The following FANCC variants were observed in gnomAD, a reference collection of about 807,000 sequenced individuals.
FANCC encodes the protein Fanconi anemia group C protein.
FANCC carries 55 observed loss-of-function variants against 71.3 expected under a neutral mutation model. That is an observed-to-expected ratio of 0.77 (90% CI 0.62 to 0.97). The LOEUF is 0.97. FANCC is among the 50% of genes least tolerant of loss of function. The pLI is 0.00. For missense variants in FANCC, 678 were observed against 670.9 expected (o/e 1.01, Z -0.12); for synonymous variants, 275 against 244.9 (o/e 1.12, Z -1.15).
rs571336609 is a variant in FANCC, at chr9:95,134,477, T to C, written c.843+869A>G. Among the ~76,000 whole-genome samples the C allele has an allele frequency of 2.6e-5, 4 of 152,146 alleles. No individual in the cohort carries two copies. In the East Asian group the frequency reaches 5.8e-4, roughly 22 times the overall value. Reference sequence around the variant, plus strand: ...ACTGTGGCTCTTGGAACTCACTTTCTCCACTTGCAGGAAGCAGGAAGAAGT... The same window carrying C: ...ACTGTGGCTCTTGGAACTCACTTTCCCCACTTGCAGGAAGCAGGAAGAAGT... On this transcript the variant is annotated intron_variant, in intron 8 of 14. Coordinates refer to ENST00000289081, the MANE Select transcript of FANCC (RefSeq NM_000136.3).
intron 4 of FANCC, among the ~76,000 whole-genome samples, chr9:95,210,327 A>T (rs950459019): frequency 2.1e-4 from 32 of 152,264 alleles, no homozygotes; most frequent in South Asian, 1.0e-3. Context: ...GATATGTGTT[A>T]TTTATTATTT....
intron 4 of FANCC, among the ~76,000 whole-genome samples, chr9:95,226,808 T>C (rs1005360361): frequency 1.3e-5 from 2 of 152,182 alleles, no homozygotes; most frequent in Non-Finnish European, 2.9e-5. Flanking sequence ...ATGTTGTGAT[T>C]TGACAACCAT....
At chr9:95,293,070 AT>A in intron 1 of FANCC, 1 of 1,606,994 alleles carries the variant, frequency 6.2e-7, no homozygotes, top group South Asian at 1.1e-5. Flanking sequence ...CCACTGAATC[AT>A]TTAACAACCA....
intron 1 of FANCC, among the ~76,000 whole-genome samples, chr9:95,300,800 G>T (rs147788455): frequency 3.4e-4 from 52 of 152,186 alleles, no homozygotes; most frequent in African/African-American, 1.1e-3. Context: ...AGAATGAGAG[G>T]ACCACCATCA....
intron 6 of FANCC, among the ~76,000 whole-genome samples, chr9:95,160,643 A>C (rs2135512527): frequency 6.6e-6 from 1 of 152,226 alleles, no homozygotes; most frequent in South Asian, 2.1e-4. Flanking sequence ...GATGATATTG[A>C]TTCTTCCTAT....
intron 4 of FANCC, among the ~76,000 whole-genome samples, chr9:95,203,508 T>C (rs1262768994): frequency 6.6e-6 from 1 of 152,120 alleles, no homozygotes; most frequent in African/African-American, 2.4e-5. Context: ...AATGGAAGTT[T>C]GATTTTAGAA....
chr9:95,214,317 A>T (rs1828712008), intron 4 of FANCC, among the ~76,000 whole-genome samples: 4 of 152,172 alleles, frequency 2.6e-5, no homozygotes, highest in Admixed American at 2.6e-4. Context: ...CTGTAGTCCC[A>T]GCTACTGAAG....
Position 95,135,370 on chromosome 9 carries a change from T to C in FANCC, c.819A>G (p.Glu273=). The C allele has an allele frequency of 6.2e-7, 1 of 1,614,150 alleles. No individual in the cohort carries two copies. The highest frequency in any genetic ancestry group is 1.3e-5 in the African/African-American group (1 of 75,058). Residue 273 remains glutamate (E), a synonymous_variant, in exon 8 of 15, where the codon GAA becomes GAG. Transcript: ENST00000289081. ...SSERNCLRRI[E]CFIKDSSLPQ... ...CCAGCGATGAATCTTTTATAAAGCA[T>C]TCGATCCTTCTCAGACAATTTCTCT...
At chr9:95,260,901 C>A (rs1188849210) in intron 1 of FANCC, among the ~76,000 whole-genome samples, 2 of 152,116 alleles carry the variant, frequency 1.3e-5, no homozygotes, top group Non-Finnish European at 2.9e-5. Context: ...ATTAAAACCA[C>A]CCACCAGGAT....
intron 14 of FANCC, among the ~76,000 whole-genome samples, chr9:95,105,435 A>G (rs931292011): frequency 1.3e-5 from 2 of 152,234 alleles, no homozygotes; most frequent in African/African-American, 4.8e-5. Flanking sequence ...TGTCAACAAA[A>G]GTACAAATAA....
At chr9:95,293,116 G>T in intron 1 of FANCC, 1 of 1,613,182 alleles carries the variant, frequency 6.2e-7, no homozygotes, top group African/African-American at 1.3e-5. Flanking sequence ...AGAACTAGAA[G>T]CTTCAGAAAT....
At chr9:95,279,882 A>C (rs1050046546) in intron 1 of FANCC, among the ~76,000 whole-genome samples, 1 of 141,484 alleles carries the variant, frequency 7.1e-6, no homozygotes, top group Non-Finnish European at 1.5e-5. Context: ...TGAGAGGCGG[A>C]GGCTGCAGTG....
intron 1 of FANCC, among the ~76,000 whole-genome samples, chr9:95,287,803 A>G (rs554541381): frequency 1.3e-5 from 2 of 152,340 alleles, no homozygotes; most frequent in South Asian, 4.1e-4. Context: ...AAAGGCAGGC[A>G]TGTTCTAGAC....
At chr9:95,246,757 T>A (rs1831006289) in intron 3 of FANCC, among the ~76,000 whole-genome samples, 1 of 152,150 alleles carries the variant, frequency 6.6e-6, no homozygotes, top group South Asian at 2.1e-4. Flanking sequence ...GTGAAAGGAA[T>A]CCTGACACAA....
chr9:95,151,820 G>A (rs1010882282), intron 6 of FANCC, among the ~76,000 whole-genome samples: 5 of 151,492 alleles, frequency 3.3e-5, no homozygotes, highest in South Asian at 2.1e-4. Context: ...GCAGCTACTC[G>A]GGGGGGCGGA....
intron 4 of FANCC, among the ~76,000 whole-genome samples, chr9:95,214,800 T>C (rs1293468641): frequency 6.6e-6 from 1 of 152,124 alleles, no homozygotes; most frequent in Non-Finnish European, 1.5e-5. Flanking sequence ...CTTAGAGTAG[T>C]CAAAAATCAC....
chr9:95,300,422 A>G (rs1834650985), intron 1 of FANCC, among the ~76,000 whole-genome samples: 1 of 152,204 alleles, frequency 6.6e-6, no homozygotes, highest in Admixed American at 6.5e-5. Context: ...GTGATAACCA[A>G]GAAAAAGAAG....
intron 4 of FANCC, among the ~76,000 whole-genome samples, chr9:95,173,276 C>T (rs989196098): frequency 2.0e-5 from 3 of 152,048 alleles, no homozygotes; most frequent in East Asian, 1.9e-4. Context: ...GGCACCGAGG[C>T]GCCCAAAGTG....
intron 10 of FANCC, among the ~76,000 whole-genome samples, chr9:95,124,205 T>C (rs1372973362): frequency 6.6e-6 from 1 of 151,620 alleles, no homozygotes; most frequent in Admixed American, 6.6e-5. Flanking sequence ...CCAAGCATTG[T>C]AGTTCTCCTC....
Sources: gnomAD v4.1 joint callset for allele counts (sites outside exome capture counted in the v4.1 genomes callset) on GRCh38, gnomAD v4.1.1 for gene constraint, MANE v1.5 for transcripts, NCBI Gene and HGNC (gene_info 2026-07-23, HGNC 2026-07-21) for gene names.